CTNNA3: variants seen among roughly 807,000 people sequenced by gnomAD.
CTNNA3 encodes catenin alpha-3.
A neutral mutation model predicts 95.7 loss-of-function variants in CTNNA3; 76 were observed. The observed-to-expected ratio is 0.79, with a 90% confidence interval of 0.66 to 0.96. The LOEUF (loss-of-function observed/expected upper bound fraction) is 0.96. Among genes scored for constraint, CTNNA3 ranks in the 40% least tolerant of loss-of-function variants. CTNNA3 has a pLI of 0.00. For missense variants in CTNNA3, 1,191 were observed against 1,089.8 expected, an observed-to-expected ratio of 1.09 and a Z score of -1.31; for synonymous variants, 431 against 374.4, an observed-to-expected ratio of 1.15 and a Z score of -1.74.
intron 12 of CTNNA3, among the ~76,000 whole-genome samples, chr10:66,301,329 C>T (rs1435185194): frequency 6.6e-6 from 1 of 151,878 alleles, no homozygotes; most frequent in Non-Finnish European, 1.5e-5. Context: ...TTCTATGAGG[C>T]CATAATTCCC....
At chr10:67,706,112 A>G (rs1449642595) in intron 1 of CTNNA3, among the ~76,000 whole-genome samples, 1 of 152,132 alleles carries the variant, frequency 6.6e-6, no homozygotes, top group Non-Finnish European at 1.5e-5. Flanking sequence ...TGGGCAGTCA[A>G]GCTGGTGACC....
At chr10:66,660,764 T>TA (rs1303532833) in intron 9 of CTNNA3, among the ~76,000 whole-genome samples, 1 of 152,132 alleles carries the variant, frequency 6.6e-6, no homozygotes, top group Admixed American at 6.6e-5. Flanking sequence ...CTTCCCTATT[T>TA]AAAATTGATC....
rs151078010 is a variant in CTNNA3 at position 66,189,617 on chromosome 10, T to TATATATATATATATATATACAC, written c.1885-86369_1885-86368insGTGTATATATATATATATATAT. On this transcript the variant is annotated intron_variant, in intron 13 of 17. Coordinates refer to ENST00000433211, the MANE Select transcript of CTNNA3 (RefSeq NM_013266.4). Reference sequence around the variant, plus strand: ...CTATAGATTTATATATATATATATATACACACATACACACACATATACATA... The same window carrying TATATATATATATATATATACAC: ...CTATAGATTTATATATATATATATATATATATATATATATATATACACACACACATACACACACATATACATA... 1.3e-3 allele frequency among the ~76,000 whole-genome samples: 185 copies of TATATATATATATATATATACAC among 140,360 alleles called. 2 individuals are homozygous for TATATATATATATATATATACAC. Among genetic ancestry groups the TATATATATATATATATATACAC allele is most frequent in the African/African-American group, 4.8e-3 (170 of 35,186 alleles). 92.1% of individuals were successfully genotyped at this position (140,360 alleles called of 152,430 possible). A position where few individuals can be genotyped will look rare whatever the true frequency, so the allele number is the denominator to read the frequency against.
At chr10:67,333,955 T>A (rs1376695753) in intron 5 of CTNNA3, among the ~76,000 whole-genome samples, 1 of 152,194 alleles carries the variant, frequency 6.6e-6, no homozygotes, top group Non-Finnish European at 1.5e-5. Context: ...CATAAGGACA[T>A]TGAGGAAATA....
intron 11 of CTNNA3, among the ~76,000 whole-genome samples, chr10:66,495,204 T>C (rs1840060068): frequency 6.6e-6 from 1 of 152,142 alleles, no homozygotes; most frequent in Non-Finnish European, 1.5e-5. Context: ...AAAATTATTC[T>C]TTGGCTAGCC....
chr10:66,196,006 T>G (rs572490497), intron 13 of CTNNA3, among the ~76,000 whole-genome samples: 1 of 152,162 alleles, frequency 6.6e-6, no homozygotes, highest in East Asian at 1.9e-4. Flanking sequence ...AGCAAGAATA[T>G]TCATATCAGA....
intron 5 of CTNNA3, among the ~76,000 whole-genome samples, chr10:67,428,698 G>T (rs1360245183): frequency 3.3e-5 from 5 of 151,952 alleles, no homozygotes; most frequent in Admixed American, 1.3e-4. Flanking sequence ...TGAGTCACTG[G>T]GCTGGGGAAG....
intron 5 of CTNNA3, among the ~76,000 whole-genome samples, chr10:67,427,847 T>G (rs1237609671): frequency 6.6e-6 from 1 of 152,028 alleles, no homozygotes; most frequent in Admixed American, 6.6e-5. Flanking sequence ...ATGGGTGGAC[T>G]TGCAGAAAAT....
chr10:67,453,194 T>C (rs189479843), intron 5 of CTNNA3, among the ~76,000 whole-genome samples: 10 of 152,300 alleles, frequency 6.6e-5, no homozygotes, highest in Admixed American at 5.2e-4. Flanking sequence ...AGTGATTGTA[T>C]GGCCAGTGCT....
At chr10:66,728,722 GA>G (rs1290795776) in intron 9 of CTNNA3, among the ~76,000 whole-genome samples, 1 of 152,104 alleles carries the variant, frequency 6.6e-6, no homozygotes, top group Non-Finnish European at 1.5e-5. Context: ...CGAATAGCTG[GA>G]ATTATAGGTG....
chr10:66,127,009 C>G (rs1242795602), intron 13 of CTNNA3, among the ~76,000 whole-genome samples: 1 of 152,010 alleles, frequency 6.6e-6, no homozygotes, highest in African/African-American at 2.4e-5. Context: ...TGGCTCACAC[C>G]TGTAATCCCA....
chr10:66,069,316 G>A lies in CTNNA3; in HGVS notation c.2151C>T (p.Asp717=). 1.9e-6 allele frequency: 3 copies of A among 1,613,076 alleles called. No individual in the cohort carries two copies. Among genetic ancestry groups the A allele is most frequent in the Non-Finnish European group, 2.5e-6 (3 of 1,179,372 alleles). ...GTTTTCCACATAATTACCTAGTGAA[G>A]TCTGTCATCTCCATCATGATCATAC... is the stretch of plus-strand genomic sequence containing the variant. ...NMCMIMMEMT[D]FTRGKGPLKH... The change falls in exon 15 of 18, where the codon GAC becomes GAT. Residue 717 remains aspartate, a synonymous_variant. Coordinates refer to ENST00000433211, the MANE Select transcript of CTNNA3 (RefSeq NM_013266.4).
intron 11 of CTNNA3, among the ~76,000 whole-genome samples, chr10:66,469,593 G>C (rs1483814808): frequency 1.3e-5 from 2 of 151,842 alleles, no homozygotes; most frequent in Non-Finnish European, 2.9e-5. Context: ...AAAGAGGTGA[G>C]ACTGAAGTCT....
intron 6 of CTNNA3, among the ~76,000 whole-genome samples, chr10:67,189,153 A>AG (rs1236646991): frequency 6.6e-6 from 1 of 151,840 alleles, no homozygotes; most frequent in Non-Finnish European, 1.5e-5. Context: ...AAAAAAAAAA[A>AG]CAGAAAATTC....
chr10:66,353,740 T>G (rs2092584913), intron 12 of CTNNA3, among the ~76,000 whole-genome samples: 1 of 151,774 alleles, frequency 6.6e-6, no homozygotes, highest in South Asian at 2.1e-4. Context: ...GAAAAAAAAA[T>G]CAGGAAGGAG....
chr10:66,914,712 C>A (rs953069299), intron 7 of CTNNA3, among the ~76,000 whole-genome samples: 6 of 152,178 alleles, frequency 3.9e-5, no homozygotes, highest in Admixed American at 6.5e-5. Context: ...GATCAGCAAA[C>A]TGTTTCTGTA....
At chr10:66,643,137 C>A (rs1404977320) in intron 9 of CTNNA3, among the ~76,000 whole-genome samples, 1 of 152,188 alleles carries the variant, frequency 6.6e-6, no homozygotes, top group Non-Finnish European at 1.5e-5. Context: ...AATCATCACA[C>A]AGTTTAGTGA....
intron 10 of CTNNA3, among the ~76,000 whole-genome samples, chr10:66,590,916 T>C (rs949427020): frequency 4.6e-5 from 7 of 152,154 alleles, no homozygotes; most frequent in Non-Finnish European, 7.4e-5. Context: ...ATCAAAGTTG[T>C]TTGTGGAATC....
intron 13 of CTNNA3, among the ~76,000 whole-genome samples, chr10:66,179,135 C>T (rs1170048667): frequency 1.3e-5 from 2 of 151,766 alleles, no homozygotes; most frequent in Admixed American, 6.6e-5. Context: ...CATAATAGCC[C>T]CAAACTGGAA....
Sources: gnomAD v4.1 joint callset for allele counts (sites outside exome capture counted in the v4.1 genomes callset) on GRCh38, gnomAD v4.1.1 for gene constraint, MANE v1.5 for transcripts, NCBI Gene and HGNC (gene_info 2026-07-23, HGNC 2026-07-21) for gene names.